The following ATOH8 variants were observed in gnomAD, a reference collection of about 807,000 sequenced individuals.
ATOH8 encodes the protein transcription factor ATOH8.
In ATOH8, 9 loss-of-function variants were observed where a neutral mutation model predicts 21.2. The ratio of observed to expected loss-of-function variants is 0.42; its 90% CI spans 0.26 to 0.74. The LOEUF is 0.74. ATOH8 is among the 30% of genes least tolerant of loss of function. ATOH8 has a pLI of 0.24. For synonymous variants in ATOH8, 253 were observed against 224.0 expected (o/e 1.13, Z -1.16); for missense variants, 524 against 470.9 (o/e 1.11, Z -1.04).
At chr2:85,779,048 C>T (rs1478726829) in intron 2 of ATOH8, among the ~76,000 whole-genome samples, 1 of 151,732 alleles carries the variant, frequency 6.6e-6, no homozygotes, top group Non-Finnish European at 1.5e-5. Context: ...CGGGTGCCTC[C>T]TCCAGCCTGG....
intron 2 of ATOH8, chr2:85,774,061 C>A: frequency 1.0e-6 from 1 of 980,244 alleles, no homozygotes; most frequent in Non-Finnish European, 1.2e-6. Flanking sequence ...ACCCCACCAG[C>A]TCCTGGGTCT....
intron 2 of ATOH8, chr2:85,783,700 T>A (rs2104536832): frequency 6.6e-6 from 1 of 152,342 alleles, no homozygotes; most frequent in African/African-American, 2.4e-5. Flanking sequence ...AAAGGGCCAG[T>A]GCTGCGGGGA....
intron 1 of ATOH8, among the ~76,000 whole-genome samples, chr2:85,763,355 C>A (rs1005204471): frequency 6.6e-6 from 1 of 152,164 alleles, no homozygotes; most frequent in African/African-American, 2.4e-5. Context: ...TTGTTCAGTG[C>A]CGTGTGTATT....
At chr2:85,776,899 C>T (rs983466789) in intron 2 of ATOH8, among the ~76,000 whole-genome samples, 10 of 152,106 alleles carry the variant, frequency 6.6e-5, no homozygotes, top group African/African-American at 2.4e-4. Context: ...AGCTGTGCCT[C>T]CCGCCTCGCT....
chr2:85,776,299 T>C (rs1467670358), intron 2 of ATOH8, among the ~76,000 whole-genome samples: 1 of 152,230 alleles, frequency 6.6e-6, no homozygotes, highest in East Asian at 1.9e-4. Context: ...CTTGGAGGCA[T>C]GGTCTGAGTC....
chr2:85,778,037 C>T (rs1270040398), intron 2 of ATOH8, among the ~76,000 whole-genome samples: 1 of 152,200 alleles, frequency 6.6e-6, no homozygotes, highest in Non-Finnish European at 1.5e-5. Flanking sequence ...CTCTGTGCTC[C>T]GACATGTAGC....
At chr2:85,768,644 G>T (rs1012803403) in intron 2 of ATOH8, among the ~76,000 whole-genome samples, 25 of 152,292 alleles carry the variant, frequency 1.6e-4, no homozygotes, top group Non-Finnish European at 2.6e-4. Context: ...GTCCTCTGAG[G>T]TCCCTCGCAC....
At chr2:85,768,821 C>T (rs914127991) in intron 2 of ATOH8, among the ~76,000 whole-genome samples, 8 of 152,166 alleles carry the variant, frequency 5.3e-5, no homozygotes, top group African/African-American at 1.9e-4. Flanking sequence ...TTCTGGGCCT[C>T]ACAGATCATG....
intron 2 of ATOH8, among the ~76,000 whole-genome samples, chr2:85,783,922 G>C (rs765077455): frequency 6.6e-6 from 1 of 151,866 alleles, no homozygotes; most frequent in Non-Finnish European, 1.5e-5. Context: ...CCCTCGGCCA[G>C]AGCTGATTGG....
rs80118139 is a variant in ATOH8, at chr2:85,778,803, C to T, written c.961-8082C>T. 3.8e-3 allele frequency among the ~76,000 whole-genome samples: 576 copies of T among 152,336 alleles called. 3 individuals are homozygous for T. Among genetic ancestry groups the T allele is most frequent in the African/African-American group, 0.013 (551 of 41,580 alleles). On this transcript the variant is annotated intron_variant, in intron 2 of 2. Transcript: ENST00000306279. ...GGCAGGCCTGATGGGGACCCTCCAC[C>T]GTGGTCGGGGCATGTGAACTTACAT...
At chr2:85,774,770 C>T (rs187058574) in intron 2 of ATOH8, 2 of 985,474 alleles carry the variant, frequency 2.0e-6, no homozygotes, top group African/African-American at 1.7e-5. Flanking sequence ...GCCGGTCACT[C>T]CCTATGTCCC....
At chr2:85,786,787 CT>C in intron 2 of ATOH8, 97 bp from the exon 3 acceptor site, 1 of 1,585,456 alleles carries the variant, frequency 6.3e-7, no homozygotes, top group Non-Finnish European at 8.6e-7. Context: ...GGGGGCCCCT[CT>C]GCCTGGAGGA....
intron 2 of ATOH8, among the ~76,000 whole-genome samples, chr2:85,772,008 C>T (rs558010711): frequency 2.6e-5 from 4 of 152,372 alleles, no homozygotes; most frequent in African/African-American, 7.2e-5. Context: ...GCCTGAAGCT[C>T]GCACACTGCC....
At chr2:85,755,030 G>T (rs1679644520) in intron 1 of ATOH8, 73 bp downstream of exon 1, 1 of 1,481,360 alleles carries the variant, frequency 6.8e-7, no homozygotes, top group Non-Finnish European at 8.9e-7. Context: ...AGTGGCCGGG[G>T]CGGGATAGAG....
chr2:85,759,196 C>T (rs1025859764), intron 1 of ATOH8, among the ~76,000 whole-genome samples: 1 of 152,214 alleles, frequency 6.6e-6, no homozygotes, highest in Non-Finnish European at 1.5e-5. Flanking sequence ...GCACCTCCCT[C>T]ACTCTGAAAC....
chr2:85,779,332 T>C (rs1433509089), intron 2 of ATOH8, among the ~76,000 whole-genome samples: 1 of 152,038 alleles, frequency 6.6e-6, no homozygotes, highest in Non-Finnish European at 1.5e-5. Flanking sequence ...GATAGACTGA[T>C]GGATATGGAG....
chr2:85,781,155 A>G, intron 2 of ATOH8: 1 of 872,292 alleles, frequency 1.1e-6, no homozygotes, highest in Non-Finnish European at 1.4e-6. Context: ...CACTTTTCGT[A>G]AAATACTGTA....
At chr2:85,764,232 A>C in intron 2 of ATOH8, 50 bp downstream of exon 2, 1 of 1,602,300 alleles carries the variant, frequency 6.2e-7, no homozygotes, top group East Asian at 2.2e-5. Context: ...TAGGGGAGGC[A>C]GGGACAGGAA....
chr2:85,766,562 C>T lies in ATOH8; in HGVS notation c.960+2380C>T, dbSNP rs1367956643. On this transcript the variant is annotated intron_variant, in intron 2 of 2. Coordinates refer to ENST00000306279, the MANE Select transcript of ATOH8 (RefSeq NM_032827.7). This position sits in a 1 kb window ranked among gnomAD's most constrained non-coding sequence, Gnocchi z 4.0. ...CTGGCCCTGCGTCTCCCCATGGGGG[C>T]CGGTGTTCATAATTCCAGCCCTTCC... 6.6e-6 allele frequency among the ~76,000 whole-genome samples: 1 copy of T among 152,164 alleles called. No homozygotes were observed. The highest frequency in any genetic ancestry group is 2.4e-5 in the African/African-American group (1 of 41,438).
Sources: allele counts gnomAD v4.1 joint callset (sites outside exome capture counted in the v4.1 genomes callset), GRCh38; gene constraint gnomAD v4.1.1; non-coding constraint Gnocchi (gnomAD v3.1); transcripts MANE v1.5; gene names NCBI Gene and HGNC (gene_info 2026-07-23, HGNC 2026-07-21).